The following PYGB variants were observed in gnomAD, a reference collection of about 807,000 sequenced individuals.
PYGB encodes glycogen phosphorylase B.
Under a neutral mutation model 94.3 loss-of-function variants are expected in PYGB, and 82 were observed. The ratio of observed to expected loss-of-function variants is 0.87; its 90% CI spans 0.73 to 1.04. PYGB has a LOEUF of 1.04. Ranked by LOEUF, PYGB falls within the 50% of genes least tolerant of loss-of-function variation. PYGB has a pLI of 0.00. For synonymous variants in PYGB, 488 were observed against 479.1 expected, an observed-to-expected ratio of 1.02 and a Z score of -0.24; for missense variants, 1,132 against 1,158.2, an observed-to-expected ratio of 0.98 and a Z score of 0.33.
chr20:25,251,459 C>G (rs1052177828), intron 1 of PYGB, among the ~76,000 whole-genome samples: 8 of 152,200 alleles, frequency 5.3e-5, no homozygotes, highest in African/African-American at 1.9e-4. Flanking sequence ...TAAAATGTTT[C>G]TATTTCATAT....
intron 15 of PYGB, chr20:25,289,805 TCATAAAATGATGTTTTC>T (rs1378610911): frequency 5.6e-6 from 3 of 533,156 alleles, no homozygotes; most frequent in Non-Finnish European, 1.2e-5. Flanking sequence ...GCATTCCTTT[TCATAAAATGATGTTTTC>T]CACCAGAACC....
intron 1 of PYGB, among the ~76,000 whole-genome samples, chr20:25,256,426 G>A (rs2092902688): frequency 6.6e-6 from 1 of 151,756 alleles, no homozygotes; most frequent in Non-Finnish European, 1.5e-5. Context: ...AACCCAGGAG[G>A]TGGAGGTTGC....
chr20:25,284,087 C>T lies in PYGB; in HGVS notation c.1621-17C>T. The T allele has an allele frequency of 6.2e-7, 1 of 1,612,336 alleles. No individual in the cohort carries two copies. The highest frequency in any genetic ancestry group is 8.5e-7 in the Non-Finnish European group (1 of 1,178,940). ...CCTGGTGAAGTCTCCAGCCATCTTT[C>T]CCTTTCACCCTCCCAGGAGAACAAG... On this transcript the variant is annotated splice_polypyrimidine_tract_variant and intron_variant, in intron 13 of 19. Transcript: ENST00000216962.
intron 5 of PYGB, 54 bp downstream of exon 5, chr20:25,274,777 T>C (rs1600730560): frequency 2.5e-6 from 4 of 1,586,750 alleles, no homozygotes; most frequent in South Asian, 2.3e-5. Context: ...AGGGGGCTGC[T>C]GCGGCTCATT....
chr20:25,294,059 A>G, intron 17 of PYGB, 99 bp from the exon 18 acceptor site: 4 of 1,518,434 alleles, frequency 2.6e-6, no homozygotes, highest in Non-Finnish European at 3.5e-6. Context: ...TCCCAGGGCC[A>G]TCCTGGGGCA....
At chr20:25,289,951 C>T (rs1555808204) in intron 15 of PYGB, 2 of 533,548 alleles carry the variant, frequency 3.7e-6, no homozygotes, top group South Asian at 2.8e-5. Context: ...GGTCCCCTGC[C>T]CAGTTGTCTT....
chr20:25,256,614 C>T (rs1600721206), intron 1 of PYGB, among the ~76,000 whole-genome samples: 1 of 152,342 alleles, frequency 6.6e-6, no homozygotes, highest in Admixed American at 6.5e-5. Flanking sequence ...AGTTCAATCC[C>T]AGGCGGCAGG....
chr20:25,248,619 G>C (rs961592333), intron 1 of PYGB, among the ~76,000 whole-genome samples, 198 bp downstream of exon 1: 1 of 151,678 alleles, frequency 6.6e-6, no homozygotes, highest in African/African-American at 2.4e-5. Context: ...GCGCAGGGCC[G>C]CGGCCACGGG....
intron 1 of PYGB, among the ~76,000 whole-genome samples, chr20:25,255,827 G>C (rs1257032553): frequency 6.6e-6 from 1 of 151,714 alleles, no homozygotes; most frequent in Non-Finnish European, 1.5e-5. Flanking sequence ...TCCGCCTCCC[G>C]GGTTCAGGCG....
At chr20:25,254,797 A>G (rs2092898666) in intron 1 of PYGB, among the ~76,000 whole-genome samples, 1 of 152,188 alleles carries the variant, frequency 6.6e-6, no homozygotes, top group Non-Finnish European at 1.5e-5. Flanking sequence ...TACTGAATAG[A>G]CTTTTTGTGG....
chr20:25,292,732 G>A (rs955149700), intron 17 of PYGB, 119 bp downstream of exon 17: 3 of 1,277,278 alleles, frequency 2.3e-6, no homozygotes, highest in Admixed American at 2.3e-5. Flanking sequence ...TAGGGTCAGT[G>A]CCCACCCAGG....
chr20:25,248,682 A>T (rs1270141651), intron 1 of PYGB, among the ~76,000 whole-genome samples: 1 of 138,220 alleles, frequency 7.2e-6, no homozygotes, highest in African/African-American at 3.5e-5. Flanking sequence ...CCCGCAGATG[A>T]TGCTGAGCCC....
intron 1 of PYGB, among the ~76,000 whole-genome samples, chr20:25,255,720 A>G (rs2092900889): frequency 1.3e-5 from 2 of 151,204 alleles, no homozygotes; most frequent in Non-Finnish European, 2.9e-5. Context: ...ATCTTGGTGA[A>G]AGCAGCCGCC....
At chr20:25,278,059 T>G (rs1190320661) in intron 7 of PYGB, among the ~76,000 whole-genome samples, 1 of 152,120 alleles carries the variant, frequency 6.6e-6, no homozygotes, top group African/African-American at 2.4e-5. Context: ...CCAGAAGGCC[T>G]GTGCTTGGAC....
At chr20:25,266,116 G>A (rs1267928684) in intron 2 of PYGB, among the ~76,000 whole-genome samples, 2 of 152,204 alleles carry the variant, frequency 1.3e-5, no homozygotes, top group Non-Finnish European at 2.9e-5. Flanking sequence ...CTCCCAAAGT[G>A]CTGGGATTTC....
At chr20:25,281,140 C>A (rs1374230610) in intron 11 of PYGB, 28 bp downstream of exon 11, 2 of 1,611,806 alleles carry the variant, frequency 1.2e-6, no homozygotes. Context: ...CCGAGCGGGG[C>A]CAGCTCTGTC....
At position 25,284,199 on chromosome 20, in the gene PYGB, C is replaced by T. The variant is rs762338717; in HGVS notation, c.1716C>T (p.His572=). 15 of 1,613,966 alleles carry T rather than the reference C, an allele frequency of 9.3e-6. No individual in the cohort carries two copies. The highest frequency in any genetic ancestry group is 4.0e-5 in the African/African-American group (3 of 74,916). Residue 572 remains histidine, a synonymous_variant, in exon 14 of 20, where the codon CAC becomes CAT. Coordinates refer to ENST00000216962, the MANE Select transcript of PYGB (RefSeq NM_002862.4). Reference sequence around the variant, plus strand: ...TCGATGTGCATGTGAAGAGGATCCACGAGTACAAGCGGCAGCTGCTCAACT... The same window carrying T: ...TCGATGTGCATGTGAAGAGGATCCATGAGTACAAGCGGCAGCTGCTCAACT... The part of the protein sequence containing the change: ...SMFDVHVKRI[H]EYKRQLLNCL...
At chr20:25,288,601 G>T (rs1211021140) in intron 15 of PYGB, 118 bp downstream of exon 15, 5 of 1,218,862 alleles carry the variant, frequency 4.1e-6, no homozygotes, top group Non-Finnish European at 5.9e-6. Context: ...ATGCCCAGCG[G>T]TCACCGGCCC....
At chr20:25,282,452 G>T (rs1353963473) in intron 12 of PYGB, among the ~76,000 whole-genome samples, 1 of 152,242 alleles carries the variant, frequency 6.6e-6, no homozygotes, top group African/African-American at 2.4e-5. Context: ...TGCCAGCTAG[G>T]CTGGGCACCT....
Sources: allele counts gnomAD v4.1 joint callset (sites outside exome capture counted in the v4.1 genomes callset), GRCh38; gene constraint gnomAD v4.1.1; transcripts MANE v1.5; gene names NCBI Gene and HGNC (gene_info 2026-07-23, HGNC 2026-07-21).